WNT9A: variants seen among roughly 807,000 people sequenced by gnomAD.
The protein encoded by WNT9A is Wnt family member 9A.
A neutral mutation model predicts 31.4 loss-of-function variants in WNT9A; 8 were observed. That is an observed-to-expected ratio of 0.26 (90% CI 0.15 to 0.46). WNT9A has a LOEUF of 0.46. Ranked by LOEUF, WNT9A falls within the 20% of genes least tolerant of loss-of-function variation. The probability of loss-of-function intolerance (pLI) is 0.99; values close to 1 mark genes in which losing one functional copy is unlikely to be tolerated. For missense variants in WNT9A, 457 were observed against 522.9 expected (o/e 0.87, Z 1.23); for synonymous variants, 236 against 220.1 (o/e 1.07, Z -0.64).
chr1:227,934,317 A>G (rs1666555765), intron 1 of WNT9A, among the ~76,000 whole-genome samples: 1 of 152,190 alleles, frequency 6.6e-6, no homozygotes, highest in Admixed American at 6.5e-5. Context: ...TTCTTTAATT[A>G]TTATAGGATT....
chr1:227,921,897 C>A lies in WNT9A; in HGVS notation c.719G>T (p.Gly240Val). The change falls in exon 4 of 4, where the codon GGC (glycine) becomes GTC (valine). Residue 240 changes from glycine (G) to valine (V), a missense_variant. Gly to Val is a moderately radical substitution (Grantham distance 109). Transcript: ENST00000272164. ...WRQLAPFHEV[G>V]KHLKHKYETA... The stretch of plus-strand genomic sequence containing the variant: ...CTCATACTTGTGCTTCAGATGCTTG[C>A]CCACCTCATGGAAAGGCGCCAACTG... 6.2e-7 allele frequency: 1 copy of A among 1,613,242 alleles called. No homozygotes were observed. Among genetic ancestry groups the A allele is most frequent in the South Asian group, 1.1e-5 (1 of 91,088 alleles).
rs1252582171 is a variant in WNT9A, at chr1:227,924,311, G to C, written c.442C>G (p.Arg148Gly). 2 of 1,613,702 alleles carry C rather than the reference G, an allele frequency of 1.2e-6. No homozygotes were observed. Among genetic ancestry groups the C allele is most frequent in the South Asian group, 2.2e-5 (2 of 91,080 alleles). The stretch of plus-strand genomic sequence containing the variant: ...TCGGGTGCCTCATCGCAGGTACAGC[G>C]CTCCATGCGGCCCGCGCTGCACGCC... ...AKACSAGRME[R>G]CTCDEAPDLE... Residue 148 changes from arginine (R) to glycine (G), a missense_variant, in exon 3 of 4, where the codon CGC (arginine) becomes GGC (glycine). Arg to Gly is a moderately radical substitution (Grantham distance 125). Transcript: ENST00000272164.
At chr1:227,936,272 T>A (rs1666594193) in intron 1 of WNT9A, among the ~76,000 whole-genome samples, 1 of 152,190 alleles carries the variant, frequency 6.6e-6, no homozygotes, top group African/African-American at 2.4e-5. Context: ...CACTGCAACT[T>A]CCACCTCCTG....
intron 1 of WNT9A, among the ~76,000 whole-genome samples, chr1:227,940,090 C>G (rs1032592286): frequency 1.4e-4 from 21 of 152,208 alleles, no homozygotes; most frequent in African/African-American, 4.8e-4. Context: ...CTGAAAGCAC[C>G]GTGTCCCATG....
Position 227,921,311 on chromosome 1 carries a change from T to G in WNT9A, c.*207A>C. 1.4e-6 allele frequency: 1 copy of G among 718,610 alleles called. No individual in the cohort carries two copies. The highest frequency in any genetic ancestry group is 2.2e-6 in the Non-Finnish European group (1 of 451,342). The allele number at this position is 718,610 out of a possible 1,614,324, so 44.5% of individuals were successfully genotyped here. A position where few individuals can be genotyped will look rare whatever the true frequency, so the allele number is the denominator to read the frequency against. ...TGCCTGCACCCCATGCAGCTAGGAC[T>G]GAGCCCAGGGACTCACCCCACGCTG... On this transcript the variant is annotated 3_prime_UTR_variant, in exon 4 of 4. Coordinates refer to ENST00000272164, the MANE Select transcript of WNT9A (RefSeq NM_003395.4).
In WNT9A at chr1:227,920,489, T is replaced by C. The variant is rs1248052689; in HGVS notation, c.*1029A>G. 1 of 152,126 alleles carries C rather than the reference T, an allele frequency of 6.6e-6. No individual in the cohort carries two copies. The highest frequency in any genetic ancestry group is 1.9e-4 in the East Asian group (1 of 5,162). 9.4% of individuals were successfully genotyped at this position (152,126 alleles called of 1,614,324 possible). A position where few individuals can be genotyped will look rare whatever the true frequency, so the allele number is the denominator to read the frequency against. On this transcript the variant is annotated 3_prime_UTR_variant, in exon 4 of 4. Transcript: ENST00000272164. Reference sequence around the variant, plus strand: ...ATCATAATAATTTAAAAGTCACTGATATTTACTCCAAAGAGAAGTGCTCAA... The same window carrying C: ...ATCATAATAATTTAAAAGTCACTGACATTTACTCCAAAGAGAAGTGCTCAA...
At position 227,921,370 on chromosome 1, in the gene WNT9A, G is replaced by A. The variant is rs191266445; in HGVS notation, c.*148C>T. The A allele has an allele frequency of 3.9e-5, 51 of 1,301,968 alleles. 1 individual carries two copies. The East Asian group carries it at 7.6e-4, about 19-fold the overall frequency. 80.7% of individuals were successfully genotyped at this position (1,301,968 alleles called of 1,614,324 possible). The stretch of plus-strand genomic sequence containing the variant: ...GAGCCCAGGGACTCAGCCCATGCAG[G>A]TGTAGACCCATTCACACTGTGTGCA... On this transcript the variant is annotated 3_prime_UTR_variant, in exon 4 of 4. Coordinates refer to ENST00000272164, the MANE Select transcript of WNT9A (RefSeq NM_003395.4).
intron 1 of WNT9A, among the ~76,000 whole-genome samples, chr1:227,927,174 G>A (rs1344687237): frequency 6.6e-6 from 1 of 152,178 alleles, no homozygotes; most frequent in African/African-American, 2.4e-5. Flanking sequence ...ACCTGCAACG[G>A]CCCCCATCAG....
At position 227,926,653 on chromosome 1, in the gene WNT9A, T is replaced by C. The variant is rs550143647; in HGVS notation, c.96-1134A>G. On this transcript the variant is annotated intron_variant, in intron 1 of 3. Transcript: ENST00000272164. This position sits in a 1 kb window ranked among gnomAD's most constrained non-coding sequence, Gnocchi z 5.0. The stretch of plus-strand genomic sequence containing the variant: ...TCCAGCCCTTAGGAGGGCACCCACC[T>C]GGACAGGGCCAGGGCTTGGAGGCCC... Among the ~76,000 whole-genome samples, 36 of 152,126 alleles carry C rather than the reference T, an allele frequency of 2.4e-4. No individual in the cohort carries two copies. Among genetic ancestry groups the C allele is most frequent in the Admixed American group, 1.8e-3 (28 of 15,290 alleles).
rs919831477 is a variant in WNT9A, at chr1:227,942,854, C to A, written c.95+4939G>T. 1.9e-4 allele frequency among the ~76,000 whole-genome samples: 29 copies of A among 152,304 alleles called. No individual in the cohort carries two copies. Among genetic ancestry groups the A allele is most frequent in the African/African-American group, 6.5e-4 (27 of 41,572 alleles). ...CAGTGCTCAGAGCACCCGACCCAGG[C>A]CCCAGCCATGGGGTCACCCCAGATG... On this transcript the variant is annotated intron_variant, in intron 1 of 3. Coordinates refer to ENST00000272164, the MANE Select transcript of WNT9A (RefSeq NM_003395.4). The surrounding 1 kb of genome is among the most constrained non-coding windows in gnomAD (Gnocchi z 5.7).
chr1:227,936,032 G>A (rs942644177), intron 1 of WNT9A, among the ~76,000 whole-genome samples: 1 of 152,160 alleles, frequency 6.6e-6, no homozygotes, highest in African/African-American at 2.4e-5. Context: ...CAGAGCCCAC[G>A]CTCTGCCCTC....
chr1:227,936,373 G>A (rs1666595565), intron 1 of WNT9A, among the ~76,000 whole-genome samples: 1 of 152,060 alleles, frequency 6.6e-6, no homozygotes, highest in East Asian at 1.9e-4. Flanking sequence ...TGTATTTTTA[G>A]TAGAGACGGG....
At chr1:227,936,271 T>A (rs922432680) in intron 1 of WNT9A, among the ~76,000 whole-genome samples, 3 of 152,102 alleles carry the variant, frequency 2.0e-5, no homozygotes, top group Non-Finnish European at 4.4e-5. Context: ...TCACTGCAAC[T>A]TCCACCTCCT....
intron 1 of WNT9A, among the ~76,000 whole-genome samples, chr1:227,940,837 G>C (rs1039371957): frequency 1.3e-5 from 2 of 152,246 alleles, no homozygotes; most frequent in African/African-American, 4.8e-5. Context: ...CATGCCGGGA[G>C]GGCAACAGGC....
chr1:227,935,027 C>T (rs535951000), intron 1 of WNT9A, among the ~76,000 whole-genome samples: 49 of 145,186 alleles, frequency 3.4e-4, no homozygotes, highest in African/African-American at 1.2e-3. Context: ...GAGTCACAGC[C>T]TCAGTTCACC....
In WNT9A at chr1:227,942,708, T is replaced by C. The variant is rs1276030562; in HGVS notation, c.95+5085A>G. The stretch of plus-strand genomic sequence containing the variant: ...GAGCACTCTGTGTGGCCTTTCTTCC[T>C]GATGCCAGGCCCCACATGCTTCCTG... On this transcript the variant is annotated intron_variant, in intron 1 of 3. Coordinates refer to ENST00000272164, the MANE Select transcript of WNT9A (RefSeq NM_003395.4). This position sits in a 1 kb window ranked among gnomAD's most constrained non-coding sequence, Gnocchi z 5.7. Among the ~76,000 whole-genome samples the C allele has an allele frequency of 6.6e-6, 1 of 152,152 alleles. No individual in the cohort carries two copies. The highest frequency in any genetic ancestry group is 1.5e-5 in the Non-Finnish European group (1 of 68,002).
chr1:227,922,614 A>G (rs1008016114), intron 3 of WNT9A, among the ~76,000 whole-genome samples: 8 of 152,090 alleles, frequency 5.3e-5, no homozygotes, highest in Admixed American at 2.6e-4. Context: ...GGGAAGAGAG[A>G]GCTCCTTATA....
At chr1:227,937,279 C>T (rs1401735405) in intron 1 of WNT9A, among the ~76,000 whole-genome samples, 6 of 152,332 alleles carry the variant, frequency 3.9e-5, no homozygotes, top group African/African-American at 9.6e-5. Context: ...TCCTGGGCTG[C>T]GGCTGTCTTT....
At chr1:227,930,171 G>A (rs1378365216) in intron 1 of WNT9A, among the ~76,000 whole-genome samples, 1 of 152,036 alleles carries the variant, frequency 6.6e-6, no homozygotes, top group East Asian at 1.9e-4. Context: ...TGGGAACGTC[G>A]GATCCACACG....
Sources: gnomAD v4.1 joint callset for allele counts (sites outside exome capture counted in the v4.1 genomes callset) on GRCh38, gnomAD v4.1.1 for gene constraint, Gnocchi (gnomAD v3.1) non-coding constraint, MANE v1.5 for transcripts, NCBI Gene and HGNC (gene_info 2026-07-23, HGNC 2026-07-21) for gene names.